DCTPP1: variants seen among roughly 807,000 people sequenced by gnomAD.
DCTPP1 encodes XTP3-transactivated gene A protein.
A neutral mutation model predicts 8.8 loss-of-function variants in DCTPP1; 8 were observed. The ratio of observed to expected loss-of-function variants is 0.91; its 90% CI spans 0.54 to 1.64. The LOEUF is 1.64. Ranked by LOEUF, DCTPP1 falls within the 40% of genes most tolerant of loss-of-function variation. The pLI, the probability that DCTPP1 is intolerant of heterozygous loss-of-function variation, is 0.00. For missense variants in DCTPP1, 231 were observed against 230.4 expected, an observed-to-expected ratio of 1.00 and a Z score of -0.02; for synonymous variants, 85 against 92.1, an observed-to-expected ratio of 0.92 and a Z score of 0.44.
chr16:30,429,154 C>T lies in DCTPP1; in HGVS notation c.115G>A (p.Ala39Thr), dbSNP rs760150137. 1 of 1,613,942 alleles carries T rather than the reference C, an allele frequency of 6.2e-7. No individual in the cohort carries two copies. Among genetic ancestry groups the T allele is most frequent in the South Asian group, 1.1e-5 (1 of 91,042 alleles). ...CAGTCTCGTTCCGCAGCAAACTCAG[C>T]ATGGAGGCGGCGGCTGAAATAGGAC... ...PTLEDIRRLHAEFAAERDWEQ... is the reference protein window; with the variant it reads ...PTLEDIRRLHTEFAAERDWEQ... The change falls in exon 2 of 3, where the codon GCT (alanine) becomes ACT (threonine). Residue 39 changes from alanine to threonine, a missense_variant. Physicochemically the swap from Ala to Thr is moderately conservative, Grantham distance 58 (BLOSUM62 0). Coordinates refer to ENST00000319285, the MANE Select transcript of DCTPP1 (RefSeq NM_024096.2).
chr16:30,428,121 C>T (rs2050204064), intron 2 of DCTPP1, among the ~76,000 whole-genome samples: 1 of 152,216 alleles, frequency 6.6e-6, no homozygotes. Flanking sequence ...ACACAGTGAC[C>T]TTTCCAACAC....
rs1161700941 is a variant in DCTPP1, at chr16:30,429,946, G to A, written c.35C>T (p.Thr12Met). 3.2e-6 allele frequency: 5 copies of A among 1,584,230 alleles called. No homozygotes were observed. Among genetic ancestry groups the A allele is most frequent in the East Asian group, 2.5e-5 (1 of 40,222 alleles). ...SVAGGEIRGD[T>M]GGEDTAAPGR... is the part of the protein sequence containing the mutation. ...GGGAGCAGCAGTGTCCTCTCCCCCC[G>A]TGTCCCCACGAATCTCCCCACCGGC... Residue 12 changes from threonine (T) to methionine (M), a missense_variant, in exon 1 of 3, where the codon ACG becomes ATG. Transcript: ENST00000319285.
intron 1 of DCTPP1, 76 bp downstream of exon 1, chr16:30,429,804 C>A (rs1417356872): frequency 1.9e-5 from 27 of 1,435,882 alleles, no homozygotes; most frequent in African/African-American, 2.9e-5. Context: ...GCTTCCCGAC[C>A]ACGTGGAGGA....
Position 30,429,880 on chromosome 16 carries a change from A to T in DCTPP1, c.101T>A (p.Ile34Asn). 6.3e-7 allele frequency: 1 copy of T among 1,598,516 alleles called. No individual in the cohort carries two copies. The highest frequency in any genetic ancestry group is 1.1e-5 in the South Asian group (1 of 90,150). The change falls in exon 1 of 3, where the codon ATC becomes AAC. Residue 34 changes from isoleucine (I) to asparagine (N), a missense_variant and splice_region_variant. Physicochemically the swap from Ile to Asn is moderately radical, Grantham distance 149. Coordinates refer to ENST00000319285, the MANE Select transcript of DCTPP1 (RefSeq NM_024096.2). ...SFSPEPTLEDIRRLHAEFAAE... is the reference protein window; with the variant it reads ...SFSPEPTLEDNRRLHAEFAAE... ...CCCGAGCTGGGCCAGGCCTGCTTAC[A>T]TGTCCTCGAGCGTGGGCTCCGGGCT...
rs1247029609 is a variant in DCTPP1, at chr16:30,429,871, C to T, written c.101+9G>A. 1 of 1,597,670 alleles carries T rather than the reference C, an allele frequency of 6.3e-7. No homozygotes were observed. Among genetic ancestry groups the T allele is most frequent in the Non-Finnish European group, 8.5e-7 (1 of 1,172,816 alleles). The stretch of plus-strand genomic sequence containing the variant: ...CTTCCCCACCCCGAGCTGGGCCAGG[C>T]CTGCTTACATGTCCTCGAGCGTGGG... On this transcript the variant is annotated intron_variant, in intron 1 of 2. Transcript: ENST00000319285.
chr16:30,424,204 C>G lies in DCTPP1; in HGVS notation c.*29G>C. ...CCACTCTCTGCTCTTCAGACACCAC[C>G]CTGAGTTGCAAGTCCTGTGGCCATC... On this transcript the variant is annotated 3_prime_UTR_variant, in exon 3 of 3. Coordinates refer to ENST00000319285, the MANE Select transcript of DCTPP1 (RefSeq NM_024096.2). 6.2e-7 allele frequency: 1 copy of G among 1,608,158 alleles called. No individual in the cohort carries two copies. Among genetic ancestry groups the G allele is most frequent in the East Asian group, 2.2e-5 (1 of 44,804 alleles).
rs1186718512 is a variant in DCTPP1 at position 30,424,009 on chromosome 16, C to T, written c.*224G>A. On this transcript the variant is annotated 3_prime_UTR_variant, in exon 3 of 3. Transcript: ENST00000319285. ...CATCACCTGCTGAGACAGAGAGCCT[C>T]CCTGGCCATCCAGGAATAATCTAGA... 8 of 580,334 alleles carry T rather than the reference C, an allele frequency of 1.4e-5. No individual in the cohort carries two copies. Among genetic ancestry groups the T allele is most frequent in the Admixed American group, 3.3e-5 (1 of 30,574 alleles). The allele number at this position is 580,334 out of a possible 1,614,324, so 35.9% of individuals were successfully genotyped here. A position where few individuals can be genotyped will look rare whatever the true frequency, so the allele number is the denominator to read the frequency against.
chr16:30,424,951 C>T (rs2050184723), intron 2 of DCTPP1, among the ~76,000 whole-genome samples: 2 of 152,300 alleles, frequency 1.3e-5, no homozygotes, highest in South Asian at 2.1e-4. Flanking sequence ...TGCAATGGGG[C>T]GATACTGCAA....
chr16:30,425,068 C>T (rs1159954394), intron 2 of DCTPP1, among the ~76,000 whole-genome samples: 1 of 152,174 alleles, frequency 6.6e-6, no homozygotes, highest in Non-Finnish European at 1.5e-5. Flanking sequence ...CTAGTAGAGA[C>T]AGGGTTTTGC....
At chr16:30,428,567 T>G (rs1567445603) in intron 2 of DCTPP1, among the ~76,000 whole-genome samples, 1 of 152,032 alleles carries the variant, frequency 6.6e-6, no homozygotes, top group South Asian at 2.1e-4. Context: ...GTCAGGAATT[T>G]GAGACTAGCC....
At position 30,424,503 on chromosome 16, in the gene DCTPP1, G is replaced by T. The variant is rs774513359; in HGVS notation, c.243C>A (p.Pro81=). The change falls in exon 3 of 3, where the codon CCC becomes CCA. Residue 81 remains proline, a synonymous_variant. Transcript: ENST00000319285. ...FQWKTDGEPG[P]QGWSPRERAA... is the part of the protein sequence containing the mutation. Reference sequence around the variant, plus strand: ...CCCGTTCCCTGGGGGACCAGCCTTGGGGGCCAGGTTCCCCATCGGTTTTCC... The same window carrying T: ...CCCGTTCCCTGGGGGACCAGCCTTGTGGGCCAGGTTCCCCATCGGTTTTCC... 13 of 1,613,936 alleles carry T rather than the reference G, an allele frequency of 8.1e-6. No individual in the cohort carries two copies. The highest frequency in any genetic ancestry group is 1.1e-5 in the Non-Finnish European group (13 of 1,180,034).
chr16:30,426,496 CAG>C (rs1304623137), intron 2 of DCTPP1, among the ~76,000 whole-genome samples: 4 of 126,006 alleles, frequency 3.2e-5, no homozygotes, highest in African/African-American at 5.9e-5. Flanking sequence ...TTTTTTGAGA[CAG>C]AGTCTTGCTG....
At chr16:30,428,814 T>C in intron 2 of DCTPP1, 1 of 422,912 alleles carries the variant, frequency 2.4e-6, no homozygotes, top group Non-Finnish European at 4.2e-6. Flanking sequence ...AAAGGGTTGT[T>C]GCCACTGCTT....
Position 30,429,875 on chromosome 16 carries a change from C to T in DCTPP1, c.101+5G>A. On this transcript the variant is annotated splice_donor_5th_base_variant and intron_variant, in intron 1 of 2. Coordinates refer to ENST00000319285, the MANE Select transcript of DCTPP1 (RefSeq NM_024096.2). ...CCCACCCCGAGCTGGGCCAGGCCTG[C>T]TTACATGTCCTCGAGCGTGGGCTCC... The T allele has an allele frequency of 1.3e-6, 2 of 1,598,568 alleles. No homozygotes were observed. The highest frequency in any genetic ancestry group is 1.7e-5 in the Admixed American group (1 of 58,664).
intron 1 of DCTPP1, 21 bp from the exon 2 acceptor site, chr16:30,429,188 G>C (rs1205708321): frequency 6.2e-7 from 1 of 1,613,126 alleles, no homozygotes; most frequent in Non-Finnish European, 8.5e-7. Flanking sequence ...ACAAAGGAGT[G>C]TAAGTCCAAG....
At chr16:30,424,835 A>C (rs2050184040) in intron 2 of DCTPP1, among the ~76,000 whole-genome samples, 1 of 152,188 alleles carries the variant, frequency 6.6e-6, no homozygotes, top group Non-Finnish European at 1.5e-5. Flanking sequence ...CCACTGCAGA[A>C]GCCTCCCCAC....
In DCTPP1 at chr16:30,429,645, G is replaced by C. The variant is rs970127373; in HGVS notation, c.101+235C>G. 7.7e-6 allele frequency: 4 copies of C among 521,528 alleles called. No homozygotes were observed. In the African/African-American group the frequency reaches 8.1e-5, roughly 11 times the overall value. The allele number at this position is 521,528 out of a possible 1,614,324, so 32.3% of individuals were successfully genotyped here. A position where few individuals can be genotyped will look rare whatever the true frequency, so the allele number is the denominator to read the frequency against. On this transcript the variant is annotated intron_variant, in intron 1 of 2. Coordinates refer to ENST00000319285, the MANE Select transcript of DCTPP1 (RefSeq NM_024096.2). ...GGTGCCGGTATCTTCCCAGGGCTAG[G>C]CTGAAGGGCGTTCCTAGTTACCACT...
At chr16:30,427,092 C>T (rs2050198954) in intron 2 of DCTPP1, among the ~76,000 whole-genome samples, 1 of 151,314 alleles carries the variant, frequency 6.6e-6, no homozygotes, top group Non-Finnish European at 1.5e-5. Flanking sequence ...TCACTGCAAG[C>T]TCCGCCTCCT....
At chr16:30,424,676 C>T (rs762453763) in intron 2 of DCTPP1, 143 bp from the exon 3 acceptor site, 74 of 1,004,574 alleles carry the variant, frequency 7.4e-5, no homozygotes, top group Middle Eastern at 3.2e-4. Flanking sequence ...GAAGAGACCC[C>T]GACAGATGAT....
Sources: gnomAD v4.1 joint callset for allele counts (sites outside exome capture counted in the v4.1 genomes callset) on GRCh38, gnomAD v4.1.1 for gene constraint, MANE v1.5 for transcripts, NCBI Gene and HGNC (gene_info 2026-07-23, HGNC 2026-07-21) for gene names.